GSE1: variants seen among roughly 807,000 people sequenced by gnomAD.
GSE1 encodes the protein Gse1 coiled-coil protein, also known as genetic suppressor element 1.
A neutral mutation model predicts 112.6 loss-of-function variants in GSE1; 32 were observed. The observed-to-expected ratio is 0.28, with a 90% CI of 0.21 to 0.38. The LOEUF is 0.38. GSE1 is among the 10% of genes least tolerant of loss of function. GSE1 has a pLI of 1.00. For synonymous variants in GSE1, 1,115 were observed against 735.6 expected, an observed-to-expected ratio of 1.52 and a Z score of -8.35; for missense variants, 2,348 against 1,699.2, an observed-to-expected ratio of 1.38 and a Z score of -6.71.
intron 1 of GSE1, among the ~76,000 whole-genome samples, chr16:85,628,035 G>A (rs2049226773): frequency 6.6e-6 from 1 of 152,198 alleles, no homozygotes; most frequent in African/African-American, 2.4e-5. Flanking sequence ...GCCTGGAGGG[G>A]CAGGAGGCAC....
intron 2 of GSE1, among the ~76,000 whole-genome samples, chr16:85,361,370 G>C (rs2047077414): frequency 8.9e-6 from 1 of 112,954 alleles, no homozygotes; most frequent in Non-Finnish European, 1.8e-5. Context: ...CACAGAGACA[G>C]GCACAGACCC....
intron 8 of GSE1, among the ~76,000 whole-genome samples, chr16:85,660,562 C>G (rs778772845): frequency 6.6e-6 from 1 of 152,136 alleles, no homozygotes; most frequent in Non-Finnish European, 1.5e-5. Flanking sequence ...GCGCTTGAAC[C>G]TGGTAGGCGG....
intron 1 of GSE1, among the ~76,000 whole-genome samples, chr16:85,349,421 G>A (rs973173480): frequency 5.3e-5 from 8 of 152,266 alleles, no homozygotes; most frequent in African/African-American, 1.2e-4. Context: ...GGGCCACAGC[G>A]GGTCAGGACA....
intron 1 of GSE1, among the ~76,000 whole-genome samples, chr16:85,562,250 T>C (rs2045555034): frequency 6.6e-6 from 1 of 152,188 alleles, no homozygotes; most frequent in South Asian, 2.1e-4. Flanking sequence ...CCGATACCCC[T>C]GAGAGATGGG....
intron 2 of GSE1, among the ~76,000 whole-genome samples, chr16:85,513,243 G>A (rs113886416): frequency 0.015 from 2,273 of 151,704 alleles, 65 homozygotes; most frequent in African/African-American, 0.052. Flanking sequence ...ACTCCAGCCC[G>A]CCTGGGTTTT....
chr16:85,203,715 C>T (rs184089738), intron 1 of GSE1, among the ~76,000 whole-genome samples: 1 of 152,252 alleles, frequency 6.6e-6, no homozygotes, highest in East Asian at 1.9e-4. Flanking sequence ...CAGAGTTGTG[C>T]GGCCACCACC....
intron 2 of GSE1, among the ~76,000 whole-genome samples, chr16:85,510,745 C>T (rs867588609): frequency 2.1e-4 from 32 of 152,202 alleles, no homozygotes; most frequent in Admixed American, 6.5e-4. Flanking sequence ...GAGCCCCCCG[C>T]GACCCCTGCA....
intron 2 of GSE1, among the ~76,000 whole-genome samples, chr16:85,461,529 T>C (rs1242273922): frequency 1.3e-5 from 2 of 152,132 alleles, no homozygotes; most frequent in Admixed American, 6.5e-5. Flanking sequence ...GGCGCTGTGG[T>C]TTAAAAGCAC....
At chr16:85,420,879 C>T (rs912221784) in intron 2 of GSE1, among the ~76,000 whole-genome samples, 2 of 152,116 alleles carry the variant, frequency 1.3e-5, no homozygotes, top group South Asian at 2.1e-4. Context: ...GGGGGCGCCC[C>T]TACCGGCTGC....
intron 1 of GSE1, among the ~76,000 whole-genome samples, chr16:85,222,522 GAAAA>G (rs2075411592): frequency 6.6e-6 from 1 of 152,196 alleles, no homozygotes; most frequent in Admixed American, 6.5e-5. Context: ...TCAGATCTTG[GAAAA>G]ACACCGCCAG....
At chr16:85,312,211 G>A (rs1007493258) in intron 1 of GSE1, among the ~76,000 whole-genome samples, 4 of 151,634 alleles carry the variant, frequency 2.6e-5, no homozygotes, top group South Asian at 4.2e-4. Context: ...TTGCGGGGGG[G>A]GGGGGGACAC....
intron 1 of GSE1, among the ~76,000 whole-genome samples, chr16:85,322,302 G>T (rs1004590539): frequency 1.3e-5 from 2 of 152,138 alleles, no homozygotes; most frequent in Non-Finnish European, 2.9e-5. Flanking sequence ...CCGGGCGGGC[G>T]GGGGGGAAGG....
At chr16:85,294,056 CT>C (rs1272449124) in intron 1 of GSE1, among the ~76,000 whole-genome samples, 1 of 152,198 alleles carries the variant, frequency 6.6e-6, no homozygotes, top group Non-Finnish European at 1.5e-5. Flanking sequence ...TCCCCGGCCG[CT>C]GGTGAAATGA....
chr16:85,656,384 AGCG>A lies in GSE1; in HGVS notation c.1032_1034del (p.Glu344_Arg345delinsAsp). On this transcript the variant is annotated inframe_deletion, in exon 7 of 16. Transcript: ENST00000253458. ...GAGCTAAGGCGGGAGAGGGAGCGCG[AGCG>A]CGAGCGCGAGCGTGAGCGTGAGGCT... is the stretch of plus-strand genomic sequence containing the variant. 6.4e-7 allele frequency: 1 copy of A among 1,561,124 alleles called. No homozygotes were observed. Among genetic ancestry groups the A allele is most frequent in the Non-Finnish European group, 8.7e-7 (1 of 1,148,628 alleles).
intron 2 of GSE1, among the ~76,000 whole-genome samples, chr16:85,643,952 A>G (rs970781430): frequency 2.0e-5 from 3 of 151,620 alleles, no homozygotes; most frequent in African/African-American, 7.3e-5. Context: ...ACAAATGTCC[A>G]CATTTCCCCT....
intron 2 of GSE1, among the ~76,000 whole-genome samples, chr16:85,430,506 G>A (rs1039214344): frequency 2.6e-5 from 4 of 152,214 alleles, no homozygotes; most frequent in African/African-American, 9.6e-5. Flanking sequence ...CCCGGCCTGG[G>A]AATGACCTTG....
At chr16:85,645,106 C>T (rs887273298) in intron 2 of GSE1, among the ~76,000 whole-genome samples, 1 of 151,050 alleles carries the variant, frequency 6.6e-6, no homozygotes, top group East Asian at 1.9e-4. Flanking sequence ...TAGTAGCCCG[C>T]CGGCACAGTG....
intron 2 of GSE1, among the ~76,000 whole-genome samples, chr16:85,372,629 C>T (rs923343090): frequency 9.9e-5 from 15 of 152,142 alleles, no homozygotes; most frequent in African/African-American, 2.9e-4. Flanking sequence ...AAACAGGATT[C>T]GTGCAACCCG....
chr16:85,341,157 C>T (rs2046616049), intron 1 of GSE1, among the ~76,000 whole-genome samples: 1 of 152,146 alleles, frequency 6.6e-6, no homozygotes, highest in Non-Finnish European at 1.5e-5. Flanking sequence ...CATGCAAGAA[C>T]ATGCGAGTTT....
Sources: gnomAD v4.1 joint callset for allele counts (sites outside exome capture counted in the v4.1 genomes callset) on GRCh38, gnomAD v4.1.1 for gene constraint, MANE v1.5 for transcripts, NCBI Gene and HGNC (gene_info 2026-07-23, HGNC 2026-07-21) for gene names.